The following SUFU variants were observed in gnomAD, a reference collection of about 807,000 sequenced individuals.
SUFU encodes the protein suppressor of fused homolog.
SUFU carries 7 observed loss-of-function variants against 58.9 expected under a neutral mutation model. That is an observed-to-expected ratio of 0.12 (90% CI 0.07 to 0.22). SUFU has a LOEUF of 0.22. SUFU is among the 10% of genes least tolerant of loss of function. The probability of loss-of-function intolerance (pLI) is 1.00; values close to 1 mark genes in which losing one functional copy is unlikely to be tolerated. For missense variants in SUFU, 451 were observed against 641.3 expected (o/e 0.70, Z 3.20); for synonymous variants, 232 against 254.8 (o/e 0.91, Z 0.85).
chr10:102,533,695 A>G (rs900799060), intron 2 of SUFU, among the ~76,000 whole-genome samples: 5 of 152,162 alleles, frequency 3.3e-5, no homozygotes, highest in Admixed American at 6.5e-5. Context: ...ACAACAGACA[A>G]ATTCTCACGT....
At chr10:102,560,923 C>T (rs2063031444) in intron 3 of SUFU, among the ~76,000 whole-genome samples, 2 of 152,068 alleles carry the variant, frequency 1.3e-5, no homozygotes, top group Admixed American at 6.6e-5. Flanking sequence ...CCGCATCCTC[C>T]GCCTCCCAGG....
At chr10:102,513,240 C>T (rs996800111) in intron 2 of SUFU, among the ~76,000 whole-genome samples, 1 of 152,118 alleles carries the variant, frequency 6.6e-6, no homozygotes, top group Non-Finnish European at 1.5e-5. Flanking sequence ...AATGAATCCT[C>T]ATTTAAATTA....
intron 3 of SUFU, among the ~76,000 whole-genome samples, chr10:102,550,742 C>CTT (rs34653144): frequency 0.24 from 33,733 of 139,138 alleles, 4,429 homozygotes; most frequent in Middle Eastern, 0.29. Flanking sequence ...GTTACAGTGA[C>CTT]TTTTTTTTTT....
intron 3 of SUFU, among the ~76,000 whole-genome samples, chr10:102,565,706 G>A (rs1024031733): frequency 1.3e-5 from 2 of 152,064 alleles, no homozygotes; most frequent in Non-Finnish European, 1.5e-5. Flanking sequence ...CACCACGCAC[G>A]GCTAATTTTT....
At chr10:102,614,295 C>A (rs1934941529) in intron 8 of SUFU, among the ~76,000 whole-genome samples, 1 of 152,204 alleles carries the variant, frequency 6.6e-6, no homozygotes, top group Admixed American at 6.5e-5. Context: ...GTGGCTCATG[C>A]CTATAATCCC....
At chr10:102,571,504 A>AC in intron 3 of SUFU, among the ~76,000 whole-genome samples, 1 of 11,188 alleles carries the variant, frequency 8.9e-5, no homozygotes, top group Non-Finnish European at 1.6e-4. Flanking sequence ...GTCTCTACTA[A>AC]AAAACAAACA....
intron 3 of SUFU, among the ~76,000 whole-genome samples, chr10:102,576,013 GTT>G (rs67264950): frequency 1.3e-4 from 18 of 142,408 alleles, no homozygotes; most frequent in Admixed American, 3.5e-4. Context: ...ATTTTTCTGT[GTT>G]TTTTTTTTTT....
intron 3 of SUFU, among the ~76,000 whole-genome samples, chr10:102,558,337 A>G (rs2063002269): frequency 6.6e-6 from 1 of 152,160 alleles, no homozygotes; most frequent in Admixed American, 6.5e-5. Flanking sequence ...CAGCCTCCTG[A>G]GTAGCTACGA....
Position 102,599,446 on chromosome 10 carries a change from C to G in SUFU, c.924C>G (p.Ile308Met). ...GTGTCGTTGCAGACACAGAGCAGAT[C>G]CGGGAGACCCTGAGGAGAGGACTCG... ...RRLSGKDTEQ[I>M]RETLRRGLEI... Residue 308 changes from isoleucine to methionine, a missense_variant, in exon 8 of 12, where the codon ATC becomes ATG. Ile to Met is a conservative substitution (Grantham distance 10). Transcript: ENST00000369902. 6.2e-7 allele frequency: 1 copy of G among 1,614,066 alleles called. No individual in the cohort carries two copies. The highest frequency in any genetic ancestry group is 8.5e-7 in the Non-Finnish European group (1 of 1,179,970).
chr10:102,516,206 G>A (rs115888924), intron 2 of SUFU, among the ~76,000 whole-genome samples: 2,462 of 139,990 alleles, frequency 0.018, 64 homozygotes, highest in African/African-American at 0.062. Flanking sequence ...ACTCTGCTGA[G>A]ATTATTTATA....
chr10:102,560,997 C>T (rs565217907), intron 3 of SUFU, among the ~76,000 whole-genome samples: 28 of 152,288 alleles, frequency 1.8e-4, no homozygotes, highest in African/African-American at 6.7e-4. Context: ...GCATGTGCCA[C>T]CACACCCGGC....
chr10:102,547,740 T>G, intron 2 of SUFU, among the ~76,000 whole-genome samples: 1 of 151,954 alleles, frequency 6.6e-6, no homozygotes, highest in Middle Eastern at 3.4e-3. Flanking sequence ...AAGGATTGCC[T>G]AAGACCGGGA....
Position 102,599,507 on chromosome 10 carries a change from C to T in SUFU, c.985C>T (p.Pro329Ser), listed in dbSNP as rs2063496120. ...CAAACCTGTCCTTCCACCAATCAAC[C>T]CTCAGCGGCAGAATGGCCTCGCCCA... ...NSKPVLPPIN[P>S]QRQNGLAHDR... is the part of the protein sequence containing the mutation. The change falls in exon 8 of 12, where the codon CCT (proline) becomes TCT (serine). Residue 329 changes from proline to serine, a missense_variant. Pro to Ser is a moderately conservative substitution (Grantham distance 74). Transcript: ENST00000369902. 1.2e-6 allele frequency: 2 copies of T among 1,614,190 alleles called. No individual in the cohort carries two copies. Among genetic ancestry groups the T allele is most frequent in the Non-Finnish European group, 1.7e-6 (2 of 1,180,026 alleles).
At chr10:102,564,109 C>T (rs1386473092) in intron 3 of SUFU, among the ~76,000 whole-genome samples, 3 of 152,216 alleles carry the variant, frequency 2.0e-5, no homozygotes, top group Admixed American at 6.5e-5. Context: ...GGCTTTGCCT[C>T]CTCTTCCCTG....
At position 102,632,730 on chromosome 10, in the gene SUFU, C is replaced by T. The variant is rs906988429; in HGVS notation, c.*2575C>T. 4.3e-6 allele frequency: 1 copy of T among 233,294 alleles called. No individual in the cohort carries two copies. Among genetic ancestry groups the T allele is most frequent in the African/African-American group, 2.2e-5 (1 of 45,346 alleles). The allele number at this position is 233,294 out of a possible 1,614,324, so 14.5% of individuals were successfully genotyped here. A position where few individuals can be genotyped will look rare whatever the true frequency, so the allele number is the denominator to read the frequency against. ...GCCTCTTCTGCAAGCTACTTGGAGA[C>T]TTGCCTAGTTGTACCCACCCCTCCA... On this transcript the variant is annotated 3_prime_UTR_variant, in exon 12 of 12. Coordinates refer to ENST00000369902, the MANE Select transcript of SUFU (RefSeq NM_016169.4).
intron 8 of SUFU, among the ~76,000 whole-genome samples, chr10:102,611,689 C>T (rs950334591): frequency 6.6e-6 from 1 of 152,266 alleles, no homozygotes; most frequent in Non-Finnish European, 1.5e-5. Flanking sequence ...CCTACTACAT[C>T]CCAGGCACTA....
intron 3 of SUFU, among the ~76,000 whole-genome samples, chr10:102,558,249 A>G (rs2063001386): frequency 6.6e-6 from 1 of 152,064 alleles, no homozygotes; most frequent in Non-Finnish European, 1.5e-5. Context: ...TGTCACCCAG[A>G]CTAGAGGCTA....
chr10:102,564,880 T>C (rs1220538793), intron 3 of SUFU, among the ~76,000 whole-genome samples: 1 of 152,250 alleles, frequency 6.6e-6, no homozygotes, highest in Non-Finnish European at 1.5e-5. Flanking sequence ...TTGATTTCTC[T>C]GCACTTTCCT....
chr10:102,538,348 G>C (rs1325184223), intron 2 of SUFU, among the ~76,000 whole-genome samples: 1 of 130,052 alleles, frequency 7.7e-6, no homozygotes, highest in Non-Finnish European at 1.7e-5. Flanking sequence ...TATGCAAGAG[G>C]CTTTTTTTTT....
Sources: allele counts gnomAD v4.1 joint callset (sites outside exome capture counted in the v4.1 genomes callset), GRCh38; gene constraint gnomAD v4.1.1; transcripts MANE v1.5; gene names NCBI Gene and HGNC (gene_info 2026-07-23, HGNC 2026-07-21).